The following ZBTB20 variants were observed in gnomAD, a reference collection of about 807,000 sequenced individuals.
The protein encoded by ZBTB20 is zinc finger and BTB domain containing 20, also known as zinc finger and BTB domain-containing protein 20.
A neutral mutation model predicts 56.9 loss-of-function variants in ZBTB20; 9 were observed. The ratio of observed to expected loss-of-function variants is 0.16; its 90% CI spans 0.10 to 0.28. The LOEUF is 0.28. ZBTB20 is among the 10% of genes least tolerant of loss of function. The pLI is 1.00. For synonymous variants in ZBTB20, 417 were observed against 420.7 expected (o/e 0.99, Z 0.11); for missense variants, 655 against 1,003.0 (o/e 0.65, Z 4.69).
chr3:114,923,819 G>A (rs2076050615), intron 3 of ZBTB20, among the ~76,000 whole-genome samples: 1 of 152,052 alleles, frequency 6.6e-6, no homozygotes. Context: ...TATATCTGAT[G>A]AAGGGTTGAT....
intron 2 of ZBTB20, among the ~76,000 whole-genome samples, chr3:114,982,584 TCC>T (rs2078372872): frequency 6.6e-6 from 1 of 152,020 alleles, no homozygotes; most frequent in Admixed American, 6.6e-5. Flanking sequence ...ATAAATTCAT[TCC>T]ATTTAATTTT....
chr3:114,819,133 A>G (rs999332783), intron 4 of ZBTB20, among the ~76,000 whole-genome samples: 1 of 151,972 alleles, frequency 6.6e-6, no homozygotes, highest in Non-Finnish European at 1.5e-5. Context: ...ATAGGCAATT[A>G]AGGACACTAA....
At chr3:114,617,135 C>T (rs1200101919) in intron 6 of ZBTB20, among the ~76,000 whole-genome samples, 3 of 152,138 alleles carry the variant, frequency 2.0e-5, no homozygotes, top group Non-Finnish European at 4.4e-5. Context: ...CATCATTAAC[C>T]TTCTCTACTT....
intron 3 of ZBTB20, among the ~76,000 whole-genome samples, chr3:114,952,519 T>C (rs538873595): frequency 1.3e-5 from 2 of 151,522 alleles, no homozygotes; most frequent in South Asian, 2.1e-4. Flanking sequence ...TTTGACAAAA[T>C]AGTGGCTAGA....
Position 114,339,174 on chromosome 3 carries a change from G to A in ZBTB20, c.2057C>T (p.Ala686Val). Residue 686 changes from alanine to valine, a missense_variant, in exon 12 of 12, where the codon GCC (alanine) becomes GTC (valine). Coordinates refer to ENST00000675478, the MANE Select transcript of ZBTB20 (RefSeq NM_001348800.3). The surrounding 1 kb of genome is among the most constrained non-coding windows in gnomAD (Gnocchi z 4.2). ...LLERHVALHS[A>V]SNGTPPAGTP... ...GCCTGCAGGGGGGGTCCCATTGCTG[G>A]CACTGTGCAGGGCCACGTGTCGCTC... The A allele has an allele frequency of 6.2e-7, 1 of 1,614,204 alleles. No individual in the cohort carries two copies. Among genetic ancestry groups the A allele is most frequent in the Non-Finnish European group, 8.5e-7 (1 of 1,180,000 alleles).
At chr3:114,968,979 G>A (rs189550008) in intron 3 of ZBTB20, among the ~76,000 whole-genome samples, 9 of 152,202 alleles carry the variant, frequency 5.9e-5, no homozygotes, top group Admixed American at 5.2e-4. Flanking sequence ...TAAGAAGGCA[G>A]ATCATTGAAG....
chr3:114,352,084 T>C, intron 10 of ZBTB20: 1 of 656,740 alleles, frequency 1.5e-6, no homozygotes, highest in Non-Finnish European at 2.5e-6. Flanking sequence ...TTGCTCCAAT[T>C]CCGGCCTTTA....
intron 6 of ZBTB20, among the ~76,000 whole-genome samples, chr3:114,663,609 T>C (rs2060877240): frequency 6.6e-6 from 1 of 150,698 alleles, no homozygotes; most frequent in Non-Finnish European, 1.5e-5. Context: ...GGATAAAGAG[T>C]CAAGACCCAT....
intron 5 of ZBTB20, among the ~76,000 whole-genome samples, chr3:114,793,905 A>G (rs2071162399): frequency 6.6e-6 from 1 of 152,048 alleles, no homozygotes; most frequent in South Asian, 2.1e-4. Context: ...TTTTATGGAG[A>G]GGGCATCTGC....
At chr3:115,048,955 C>T (rs1401147399) in intron 2 of ZBTB20, among the ~76,000 whole-genome samples, 1 of 152,098 alleles carries the variant, frequency 6.6e-6, no homozygotes, top group African/African-American at 2.4e-5. Context: ...CTTGAACCTC[C>T]AAACTTACTC....
At chr3:114,954,705 T>C (rs2077189507) in intron 3 of ZBTB20, among the ~76,000 whole-genome samples, 1 of 152,184 alleles carries the variant, frequency 6.6e-6, no homozygotes, top group Admixed American at 6.5e-5. Context: ...GAAAGTTGAA[T>C]TGTCACTGGT....
intron 6 of ZBTB20, among the ~76,000 whole-genome samples, chr3:114,673,984 T>G (rs1230958756): frequency 6.6e-6 from 1 of 152,180 alleles, no homozygotes; most frequent in Non-Finnish European, 1.5e-5. Flanking sequence ...TTTCTAGATC[T>G]AAATTTAGGA....
chr3:114,458,134 C>T (rs1040147016), intron 7 of ZBTB20, among the ~76,000 whole-genome samples: 3 of 152,080 alleles, frequency 2.0e-5, no homozygotes, highest in South Asian at 2.1e-4. Context: ...CCACCCAGGG[C>T]ATTTAAATAT....
chr3:114,830,268 T>C (rs1006404091), intron 4 of ZBTB20, among the ~76,000 whole-genome samples: 6 of 151,958 alleles, frequency 3.9e-5, no homozygotes, highest in African/African-American at 1.4e-4. Flanking sequence ...GGGGTGATTA[T>C]TCACATTTTA....
intron 1 of ZBTB20, among the ~76,000 whole-genome samples, chr3:115,123,465 G>T (rs1007711212): frequency 3.3e-5 from 5 of 152,092 alleles, no homozygotes; most frequent in African/African-American, 1.2e-4. Context: ...AAACACAAAA[G>T]AATTAAGAAT....
intron 4 of ZBTB20, among the ~76,000 whole-genome samples, chr3:114,830,256 A>T (rs1281056886): frequency 6.6e-6 from 1 of 151,936 alleles, no homozygotes; most frequent in Non-Finnish European, 1.5e-5. Flanking sequence ...CAGACAAATT[A>T]TGGGGTGATT....
In ZBTB20 at chr3:114,541,221, A is replaced by G. The variant is rs369822874; in HGVS notation, c.-294-40830T>C. Among the ~76,000 whole-genome samples the G allele has an allele frequency of 3.7e-4, 57 of 152,296 alleles. No homozygotes were observed. In the South Asian group the frequency reaches 0.011, roughly 29 times the overall value. The stretch of plus-strand genomic sequence containing the variant: ...CTCCCATAGCTTTAACCCAGTATCT[A>G]TGATTAAATGCAAAAAATCTAAGTT... On this transcript the variant is annotated intron_variant, in intron 6 of 11. Transcript: ENST00000675478.
intron 1 of ZBTB20, among the ~76,000 whole-genome samples, chr3:115,082,271 C>G (rs972100830): frequency 1.3e-5 from 2 of 152,182 alleles, no homozygotes; most frequent in East Asian, 1.9e-4. Flanking sequence ...AACACACACA[C>G]AGTTACCTTT....
intron 6 of ZBTB20, among the ~76,000 whole-genome samples, chr3:114,556,095 C>A (rs1323110420): frequency 6.6e-6 from 1 of 152,086 alleles, no homozygotes; most frequent in East Asian, 1.9e-4. Flanking sequence ...GGTAAGCATG[C>A]CAGTGAAAAG....
Sources: gnomAD v4.1 joint callset for allele counts (sites outside exome capture counted in the v4.1 genomes callset) on GRCh38, gnomAD v4.1.1 for gene constraint, Gnocchi (gnomAD v3.1) non-coding constraint, MANE v1.5 for transcripts, NCBI Gene and HGNC (gene_info 2026-07-23, HGNC 2026-07-21) for gene names.